The following TBL1X variants were observed in gnomAD, a reference collection of about 807,000 sequenced individuals.
TBL1X encodes the protein transducin beta like 1 X-linked, also known as F-box-like/WD repeat-containing protein TBL1X.
A neutral mutation model predicts 50.7 loss-of-function variants in TBL1X; 10 were observed. The observed-to-expected ratio is 0.20, with a 90% CI of 0.12 to 0.33. TBL1X has a LOEUF of 0.33. TBL1X is among the 10% of genes least tolerant of loss of function. The pLI is 1.00. For synonymous variants in TBL1X, 190 were observed against 214.7 expected (o/e 0.88, Z 1.01); for missense variants, 340 against 504.4 (o/e 0.67, Z 3.12).
rs756136168 is a variant in TBL1X at position 9,701,265 on chromosome X, A to G, written c.1115-3728A>G. On this transcript the variant is annotated intron_variant, in intron 12 of 17. Coordinates refer to ENST00000645353, the MANE Select transcript of TBL1X (RefSeq NM_005647.4). ...CTTCCTGTAAATCTCTAAGTATTTC[A>G]AAAGGAAACTGACTGGCTGGGCCCA... is the stretch of plus-strand genomic sequence containing the variant. Among the ~76,000 whole-genome samples, 3 of 111,033 alleles carry G rather than the reference A, an allele frequency of 2.7e-5. No individual in the cohort carries two copies. The East Asian group carries it at 8.5e-4, about 32-fold the overall frequency.
chrX:9,552,995 T>C (rs998723061), intron 2 of TBL1X, among the ~76,000 whole-genome samples: 22 of 110,245 alleles, frequency 2.0e-4, no homozygotes, highest in African/African-American at 7.3e-4. Context: ...AACTAAAAAT[T>C]AGCTGGGCAT....
In TBL1X at chrX:9,717,608, A is replaced by T. The variant is rs1418339067; in HGVS notation, c.*1362A>T. 1 of 113,202 alleles carries T rather than the reference A, an allele frequency of 8.8e-6. No individual in the cohort carries two copies. The allele number at this position is 113,202 out of a possible 1,213,427, so 9.3% of individuals were successfully genotyped here. A position where few individuals can be genotyped will look rare whatever the true frequency, so the allele number is the denominator to read the frequency against. On this transcript the variant is annotated 3_prime_UTR_variant, in exon 18 of 18. Coordinates refer to ENST00000645353, the MANE Select transcript of TBL1X (RefSeq NM_005647.4). ...GCCTCAAGGGAGCATTGGCAGAACC[A>T]TAAGGTACTGCAGAAGCCGTCGAAA...
intron 2 of TBL1X, among the ~76,000 whole-genome samples, chrX:9,613,172 C>T (rs1003477632): frequency 9.0e-6 from 1 of 111,367 alleles, no homozygotes; most frequent in Non-Finnish European, 1.9e-5. Context: ...GAAAAAAATG[C>T]TATGGGTCAA....
chrX:9,506,984 A>G (rs957857527), intron 2 of TBL1X, among the ~76,000 whole-genome samples: 3 of 112,035 alleles, frequency 2.7e-5, no homozygotes, highest in East Asian at 5.6e-4. Context: ...AGCCAATATC[A>G]TACTAAATGG....
intron 5 of TBL1X, among the ~76,000 whole-genome samples, chrX:9,671,523 A>G (rs1022438418): frequency 7.9e-5 from 9 of 113,459 alleles, no homozygotes; most frequent in African/African-American, 2.6e-4. Context: ...TCGTTGGTGC[A>G]TTTATGCATT....
At chrX:9,699,606 G>A (rs1005766431) in intron 12 of TBL1X, among the ~76,000 whole-genome samples, 7 of 111,728 alleles carry the variant, frequency 6.3e-5, no homozygotes, top group African/African-American at 2.3e-4. Context: ...AACAGCCATC[G>A]GCGCCTGGGG....
chrX:9,475,198 A>C (rs1166384544), intron 1 of TBL1X, among the ~76,000 whole-genome samples: 2 of 111,101 alleles, frequency 1.8e-5, no homozygotes, highest in Non-Finnish European at 3.8e-5. Context: ...GACATATTTC[A>C]TCTATCATGG....
At chrX:9,494,354 A>G (rs2081961439) in intron 1 of TBL1X, among the ~76,000 whole-genome samples, 1 of 111,539 alleles carries the variant, frequency 9.0e-6, no homozygotes, top group South Asian at 3.7e-4. Context: ...TGCGTCTGAC[A>G]TAATTAAAGG....
chrX:9,616,425 T>C (rs1295148200), intron 2 of TBL1X, among the ~76,000 whole-genome samples: 1 of 111,822 alleles, frequency 8.9e-6, no homozygotes, highest in Non-Finnish European at 1.9e-5. Flanking sequence ...CACTCTTTAG[T>C]GTACTTTTGC....
chrX:9,625,411 T>A (rs964145238), intron 2 of TBL1X, among the ~76,000 whole-genome samples: 6 of 111,713 alleles, frequency 5.4e-5, no homozygotes, highest in Admixed American at 4.8e-4. Context: ...CACAGAGAGG[T>A]TAAGTTACTG....
At chrX:9,658,207 C>A (rs193173821) in intron 5 of TBL1X, among the ~76,000 whole-genome samples, 95 of 111,518 alleles carry the variant, frequency 8.5e-4, no homozygotes, top group African/African-American at 2.9e-3. Context: ...GTAAATTACC[C>A]AGTCTCAGGT....
At chrX:9,486,343 C>G (rs1428360682) in intron 1 of TBL1X, among the ~76,000 whole-genome samples, 1 of 109,416 alleles carries the variant, frequency 9.1e-6, no homozygotes, top group Non-Finnish European at 1.9e-5. Context: ...AAGCGATCCT[C>G]CCACCTCCGC....
intron 2 of TBL1X, among the ~76,000 whole-genome samples, chrX:9,546,422 G>T (rs1468285456): frequency 9.0e-6 from 1 of 111,640 alleles, no homozygotes; most frequent in African/African-American, 3.3e-5. Context: ...GCTAAGGCAG[G>T]ACAGTAGCCT....
chrX:9,705,175 C>T, intron 13 of TBL1X, 61 bp downstream of exon 13: 2 of 1,202,391 alleles, frequency 1.7e-6, no homozygotes, highest in Middle Eastern at 4.6e-4. Flanking sequence ...GGAGCCGATT[C>T]TTGTGTGCCT....
intron 8 of TBL1X, 27 bp downstream of exon 8, chrX:9,691,738 C>A (rs374002635): frequency 3.9e-5 from 47 of 1,203,994 alleles, no homozygotes; most frequent in Non-Finnish European, 4.7e-5. Flanking sequence ...GGGGGGCGCT[C>A]CAGAGTTGGG....
At chrX:9,536,349 C>T (rs1394253199) in intron 2 of TBL1X, among the ~76,000 whole-genome samples, 1 of 108,858 alleles carries the variant, frequency 9.2e-6, no homozygotes, top group Non-Finnish European at 1.9e-5. Flanking sequence ...CTCCCGGGTT[C>T]AAGCGATTCT....
At chrX:9,574,772 A>C (rs945984029) in intron 2 of TBL1X, among the ~76,000 whole-genome samples, 2 of 111,779 alleles carry the variant, frequency 1.8e-5, no homozygotes, top group Admixed American at 1.9e-4. Context: ...GCCAGCTGTC[A>C]TAAAGAAGTC....
intron 7 of TBL1X, among the ~76,000 whole-genome samples, chrX:9,691,321 A>G (rs2083095250): frequency 9.2e-6 from 1 of 108,821 alleles, no homozygotes; most frequent in South Asian, 4.0e-4. Context: ...CTGTAATCCC[A>G]GCTGCTTGAG....
Position 9,714,991 on chromosome X carries a change from G to A in TBL1X, c.1695G>A (p.Ala565=), listed in dbSNP as rs147799102. The change falls in exon 17 of 18, where the codon GCG becomes GCA. Residue 565 remains alanine, a synonymous_variant. Coordinates refer to ENST00000645353, the MANE Select transcript of TBL1X (RefSeq NM_005647.4). ...NARGDKVGAS[A]SDGSVCVLDL... ...GAGGAGACAAAGTGGGTGCCAGCGC[G>A]TCCGACGGCTCTGTAAGCAACACCT... The A allele has an allele frequency of 9.2e-4, 1,113 of 1,208,720 alleles. 2 individuals carry two copies. Among genetic ancestry groups the A allele is most frequent in the Non-Finnish European group, 1.1e-3 (987 of 894,425 alleles).
Sources: gnomAD v4.1 joint callset for allele counts (sites outside exome capture counted in the v4.1 genomes callset) on GRCh38, gnomAD v4.1.1 for gene constraint, MANE v1.5 for transcripts, NCBI Gene and HGNC (gene_info 2026-07-23, HGNC 2026-07-21) for gene names.